Variants in GRIN2B observed in about 807,000 individuals in gnomAD.
GRIN2B encodes glutamate receptor ionotropic, NMDA 2B.
A neutral mutation model predicts 114.5 loss-of-function variants in GRIN2B; 5 were observed. That is an observed-to-expected ratio of 0.04 (90% confidence interval 0.02 to 0.09). GRIN2B has a LOEUF of 0.09. Among genes scored for constraint, GRIN2B ranks in the 10% least tolerant of loss-of-function variants. The pLI is 1.00. For missense variants in GRIN2B, 1,108 were observed against 1,943.5 expected, an observed-to-expected ratio of 0.57 and a Z score of 8.08; for synonymous variants, 787 against 745.1, an observed-to-expected ratio of 1.06 and a Z score of -0.92.
At chr12:13,690,829 C>T (rs1950210785) in intron 4 of GRIN2B, among the ~76,000 whole-genome samples, 1 of 152,022 alleles carries the variant, frequency 6.6e-6, no homozygotes, top group Non-Finnish European at 1.5e-5. Flanking sequence ...AGTTTAGAAA[C>T]TCAAAGCATT....
chr12:13,670,004 C>T (rs748271445), intron 5 of GRIN2B, among the ~76,000 whole-genome samples: 2 of 152,066 alleles, frequency 1.3e-5, no homozygotes, highest in Non-Finnish European at 1.5e-5. Context: ...GCAGAGCATT[C>T]TGTTTTACTA....
chr12:13,753,369 T>C lies in GRIN2B; in HGVS notation c.958A>G (p.Ser320Gly), dbSNP rs1863520117. 6.2e-7 allele frequency: 1 copy of C among 1,613,926 alleles called. No individual in the cohort carries two copies. The highest frequency in any genetic ancestry group is 8.5e-7 in the Non-Finnish European group (1 of 1,179,738). Residue 320 changes from serine (S) to glycine (G), a missense_variant, in exon 4 of 14, where the codon AGT becomes GGT. By Grantham distance (56) the Ser-to-Gly change is moderately conservative. Coordinates refer to ENST00000609686, the MANE Select transcript of GRIN2B (RefSeq NM_000834.5). The surrounding 1 kb of genome is among the most constrained non-coding windows in gnomAD (Gnocchi z 6.2). ...EHSFIPEPKS[S>G]CYNTHEKRIY... Reference sequence around the variant, plus strand: ...CTCTTCTCGTGGGTGTTGTAACAACTGCTTTTGGGCTCAGGGATGAAGCTG... The same window carrying C: ...CTCTTCTCGTGGGTGTTGTAACAACCGCTTTTGGGCTCAGGGATGAAGCTG...
intron 3 of GRIN2B, among the ~76,000 whole-genome samples, chr12:13,780,378 C>T (rs1864085468): frequency 6.6e-6 from 1 of 152,118 alleles, no homozygotes; most frequent in Admixed American, 6.6e-5. Flanking sequence ...GCCAGAGAAA[C>T]ACGTTCATTA....
At chr12:13,754,663 G>A (rs1244534710) in intron 3 of GRIN2B, among the ~76,000 whole-genome samples, 2 of 152,162 alleles carry the variant, frequency 1.3e-5, no homozygotes, top group Non-Finnish European at 2.9e-5. Context: ...AACAGAATAA[G>A]GCTCAAACAG....
At chr12:13,676,188 G>A (rs1950072614) in intron 4 of GRIN2B, among the ~76,000 whole-genome samples, 1 of 152,042 alleles carries the variant, frequency 6.6e-6, no homozygotes, top group African/African-American at 2.4e-5. Flanking sequence ...GGGGCCTGTA[G>A]GCAGGGAAGT....
chr12:13,668,032 A>G (rs564436111), intron 5 of GRIN2B, among the ~76,000 whole-genome samples: 2 of 152,308 alleles, frequency 1.3e-5, no homozygotes, highest in South Asian at 4.1e-4. Context: ...AAAATTGTTT[A>G]GAGGACTCAG....
intron 4 of GRIN2B, among the ~76,000 whole-genome samples, chr12:13,686,114 T>C (rs1292526702): frequency 6.6e-6 from 1 of 152,206 alleles, no homozygotes; most frequent in Non-Finnish European, 1.5e-5. Context: ...CTTATATTTC[T>C]AGAGTTTCTT....
At chr12:13,812,798 A>T (rs189838394) in intron 3 of GRIN2B, among the ~76,000 whole-genome samples, 1 of 152,272 alleles carries the variant, frequency 6.6e-6, no homozygotes, top group East Asian at 1.9e-4. Flanking sequence ...TTTGCATTGG[A>T]AATGGAGAAA....
rs62686762 is a variant in GRIN2B, at chr12:13,548,481, TC to T, written c.*14301del. On this transcript the variant is annotated 3_prime_UTR_variant, in exon 14 of 14. Transcript: ENST00000609686. ...CCAAGAATCCTGCTATTTTCCCACCTCCCCCCCCCGATGAATATAGGTGTAG... is the reference window on the plus strand; with the variant it reads ...CCAAGAATCCTGCTATTTTCCCACCTCCCCCCCCGATGAATATAGGTGTAG... 0.86 allele frequency: 128,822 copies of T among 149,352 alleles called. 58,316 individuals are homozygous for T. The highest frequency in any genetic ancestry group is 0.99 in the Non-Finnish European group (66,502 of 67,404). 9.3% of individuals were successfully genotyped at this position (149,352 alleles called of 1,614,324 possible). A position where few individuals can be genotyped will look rare whatever the true frequency, so the allele number is the denominator to read the frequency against.
Position 13,558,140 on chromosome 12 carries a change from C to A in GRIN2B, c.*4643G>T, listed in dbSNP as rs1948496588. Reference sequence around the variant, plus strand: ...GTCTCTGACACCCAAGTGAAGAAAGCAAAAGCTCTGCTGTAGTGTGTAGCA... The same window carrying A: ...GTCTCTGACACCCAAGTGAAGAAAGAAAAAGCTCTGCTGTAGTGTGTAGCA... On this transcript the variant is annotated 3_prime_UTR_variant, in exon 14 of 14. Transcript: ENST00000609686. 6.6e-6 allele frequency: 1 copy of A among 152,180 alleles called. No homozygotes were observed. The highest frequency in any genetic ancestry group is 1.5e-5 in the Non-Finnish European group (1 of 68,038). 9.4% of individuals were successfully genotyped at this position (152,180 alleles called of 1,614,324 possible).
intron 5 of GRIN2B, among the ~76,000 whole-genome samples, chr12:13,621,628 T>TTG (rs1565480179): frequency 6.8e-6 from 1 of 146,954 alleles, no homozygotes; most frequent in African/African-American, 2.5e-5. Flanking sequence ...TTTTTTTTTT[T>TTG]TTTTTTTTTT....
intron 5 of GRIN2B, among the ~76,000 whole-genome samples, chr12:13,675,301 T>C (rs1336644499): frequency 1.3e-5 from 2 of 152,078 alleles, no homozygotes; most frequent in Non-Finnish European, 2.9e-5. Context: ...CAACTGGCAG[T>C]GGGAGAGATT....
chr12:13,614,120 A>C (rs1949403511), intron 8 of GRIN2B, among the ~76,000 whole-genome samples: 1 of 152,156 alleles, frequency 6.6e-6, no homozygotes, highest in Admixed American at 6.6e-5. Context: ...AAAATTGGCA[A>C]GGCTGGAATT....
At chr12:13,600,822 T>C (rs1273951328) in intron 10 of GRIN2B, among the ~76,000 whole-genome samples, 1 of 152,148 alleles carries the variant, frequency 6.6e-6, no homozygotes, top group Non-Finnish European at 1.5e-5. Context: ...GTAGTACGTA[T>C]TGTGAGAAAC....
intron 3 of GRIN2B, among the ~76,000 whole-genome samples, chr12:13,803,721 C>G (rs1185547282): frequency 6.6e-6 from 1 of 152,112 alleles, no homozygotes; most frequent in Non-Finnish European, 1.5e-5. Flanking sequence ...TTTGAACACA[C>G]AGCAAAATAC....
At chr12:13,907,414 C>T (rs907415422) in intron 2 of GRIN2B, among the ~76,000 whole-genome samples, 1 of 151,466 alleles carries the variant, frequency 6.6e-6, no homozygotes, top group Non-Finnish European at 1.5e-5. Context: ...TGCTTGAGAC[C>T]GTGAGGCAGA....
At chr12:13,641,886 T>C (rs1459419425) in intron 5 of GRIN2B, among the ~76,000 whole-genome samples, 1 of 152,038 alleles carries the variant, frequency 6.6e-6, no homozygotes, top group East Asian at 1.9e-4. Flanking sequence ...ATCAAAGTCA[T>C]TCTCAAAATG....
Position 13,692,760 on chromosome 12 carries a change from C to CTTTTTTTTTTTTTTTTTTTTT in GRIN2B, c.1011-16922_1011-16902dup, listed in dbSNP as rs71067718. Among the ~76,000 whole-genome samples, 8 of 52,132 alleles carry CTTTTTTTTTTTTTTTTTTTTT rather than the reference C, an allele frequency of 1.5e-4. 1 individual carries two copies. Among genetic ancestry groups the CTTTTTTTTTTTTTTTTTTTTT allele is most frequent in the African/African-American group, 3.8e-4 (4 of 10,542 alleles). 34.2% of individuals were successfully genotyped at this position (52,132 alleles called of 152,430 possible). ...ACTTATTTTCATTAATCTTTCTTTT[C>CTTTTTTTTTTTTTTTTTTTTT]TTTTTTTTTTTTTTTTTTTTTTTTT... On this transcript the variant is annotated intron_variant, in intron 4 of 13. Transcript: ENST00000609686.
At chr12:13,780,337 T>G (rs1023719011) in intron 3 of GRIN2B, among the ~76,000 whole-genome samples, 4 of 152,182 alleles carry the variant, frequency 2.6e-5, no homozygotes, top group Non-Finnish European at 5.9e-5. Flanking sequence ...GCTCTGTGCC[T>G]GAATTCTAGC....
Sources: allele counts gnomAD v4.1 joint callset (sites outside exome capture counted in the v4.1 genomes callset), GRCh38; gene constraint gnomAD v4.1.1; non-coding constraint Gnocchi (gnomAD v3.1); transcripts MANE v1.5; gene names NCBI Gene and HGNC (gene_info 2026-07-23, HGNC 2026-07-21).